ADAMTS6: variants seen among roughly 807,000 people sequenced by gnomAD.
ADAMTS6 encodes A disintegrin and metalloproteinase with thrombospondin motifs 6.
Under a neutral mutation model 144.3 loss-of-function variants are expected in ADAMTS6, and 23 were observed. The ratio of observed to expected loss-of-function variants is 0.16; its 90% confidence interval spans 0.11 to 0.23. The LOEUF is 0.23. Ranked by LOEUF, ADAMTS6 falls within the 10% of genes least tolerant of loss-of-function variation. The pLI, the probability that ADAMTS6 is intolerant of heterozygous loss-of-function variation, is 1.00. For missense variants in ADAMTS6, 999 were observed against 1,379.6 expected (o/e 0.72, Z 4.37); for synonymous variants, 444 against 457.5 (o/e 0.97, Z 0.38).
chr5:65,476,186 A>G (rs980219363), intron 1 of ADAMTS6, among the ~76,000 whole-genome samples: 1 of 152,196 alleles, frequency 6.6e-6, no homozygotes, highest in Non-Finnish European at 1.5e-5. Context: ...TCAGTCCAAC[A>G]GCATGCAAGA....
At chr5:65,341,902 G>A (rs924888687) in intron 7 of ADAMTS6, among the ~76,000 whole-genome samples, 4 of 152,026 alleles carry the variant, frequency 2.6e-5, no homozygotes, top group Admixed American at 6.6e-5. Context: ...GAAAACTCCA[G>A]GCCAATATCC....
rs542275944 is a variant in ADAMTS6 at position 65,306,210 on chromosome 5, G to A, written c.1224-6079C>T. ...TTTGCCTCTGACCCAGAAATATCAT[G>A]TAGCCAGCATTCATGCAGCAGTAAT... is the stretch of plus-strand genomic sequence containing the variant. On this transcript the variant is annotated intron_variant, in intron 9 of 24. Transcript: ENST00000381055. 3.3e-5 allele frequency among the ~76,000 whole-genome samples: 5 copies of A among 152,316 alleles called. No homozygotes were observed. The East Asian group carries it at 9.6e-4, about 29-fold the overall frequency.
intron 9 of ADAMTS6, among the ~76,000 whole-genome samples, chr5:65,310,011 G>T (rs569565237): frequency 5.9e-4 from 90 of 152,148 alleles, no homozygotes; most frequent in African/African-American, 2.1e-3. Context: ...GGAGGTGACT[G>T]GATCATGGAG....
At chr5:65,476,856 G>A (rs1202729939) in intron 1 of ADAMTS6, among the ~76,000 whole-genome samples, 3 of 151,986 alleles carry the variant, frequency 2.0e-5, no homozygotes, top group East Asian at 1.9e-4. Flanking sequence ...ATCCTGATCC[G>A]CCAGCCTCAG....
intron 7 of ADAMTS6, among the ~76,000 whole-genome samples, chr5:65,385,574 T>C (rs1752412403): frequency 6.6e-6 from 1 of 152,206 alleles, no homozygotes; most frequent in Admixed American, 6.5e-5. Flanking sequence ...GTAAAAATTA[T>C]CATCATTTTT....
At chr5:65,451,403 C>T (rs1758728981) in intron 7 of ADAMTS6, 72 bp downstream of exon 7, 1 of 1,583,438 alleles carries the variant, frequency 6.3e-7, no homozygotes, top group South Asian at 1.1e-5. Flanking sequence ...TGAGGCTTTA[C>T]ATAGAACCAA....
chr5:65,355,679 A>C (rs1749248655), intron 7 of ADAMTS6, among the ~76,000 whole-genome samples: 1 of 151,864 alleles, frequency 6.6e-6, no homozygotes, highest in South Asian at 2.1e-4. Context: ...GGAAATAATA[A>C]ACAAAGGAAC....
At chr5:65,164,404 C>G (rs2112023966) in intron 24 of ADAMTS6, among the ~76,000 whole-genome samples, 1 of 151,398 alleles carries the variant, frequency 6.6e-6, no homozygotes, top group African/African-American at 2.4e-5. Flanking sequence ...TCGCTGATTG[C>G]TAGCACAGCA....
chr5:65,399,096 A>G (rs946862266), intron 7 of ADAMTS6, among the ~76,000 whole-genome samples: 3 of 152,036 alleles, frequency 2.0e-5, no homozygotes, highest in African/African-American at 7.2e-5. Flanking sequence ...GTCTCCAATA[A>G]AAGTACAAAA....
intron 7 of ADAMTS6, among the ~76,000 whole-genome samples, chr5:65,429,444 C>T (rs1314998264): frequency 6.6e-6 from 1 of 152,050 alleles, no homozygotes; most frequent in African/African-American, 2.4e-5. Flanking sequence ...ATATGCATTG[C>T]CTGTCTGTAT....
chr5:65,286,632 A>T (rs1254881036), intron 11 of ADAMTS6, among the ~76,000 whole-genome samples: 1 of 152,240 alleles, frequency 6.6e-6, no homozygotes, highest in Non-Finnish European at 1.5e-5. Flanking sequence ...AATAATTAAC[A>T]GTAAATTATG....
intron 7 of ADAMTS6, among the ~76,000 whole-genome samples, chr5:65,336,071 C>A (rs1373669486): frequency 3.9e-5 from 6 of 152,138 alleles, no homozygotes; most frequent in African/African-American, 1.2e-4. Flanking sequence ...GAATGCTAAA[C>A]CAGATTTGTT....
intron 15 of ADAMTS6, among the ~76,000 whole-genome samples, chr5:65,231,325 G>A (rs1013782787): frequency 6.6e-6 from 1 of 151,978 alleles, no homozygotes; most frequent in Admixed American, 6.6e-5. Context: ...GTCAATTCAT[G>A]AATTCAGTAC....
At chr5:65,168,523 G>A (rs1209267112) in intron 24 of ADAMTS6, among the ~76,000 whole-genome samples, 11 of 131,742 alleles carry the variant, frequency 8.3e-5, no homozygotes, top group Non-Finnish European at 1.3e-4. Context: ...TCACAGAATT[G>A]GAAAAAACTA....
At chr5:65,351,797 T>G (rs1343101458) in intron 7 of ADAMTS6, among the ~76,000 whole-genome samples, 13 of 151,056 alleles carry the variant, frequency 8.6e-5, no homozygotes, top group African/African-American at 3.2e-4. Flanking sequence ...GAATTCGTCT[T>G]CTTAAAAAAC....
At chr5:65,354,023 C>G (rs1416945404) in intron 7 of ADAMTS6, among the ~76,000 whole-genome samples, 1 of 151,800 alleles carries the variant, frequency 6.6e-6, no homozygotes, top group Non-Finnish European at 1.5e-5. Context: ...GTGTTATTTT[C>G]TTTCCCCATA....
At chr5:65,410,878 C>A (rs568098578) in intron 7 of ADAMTS6, among the ~76,000 whole-genome samples, 24 of 152,256 alleles carry the variant, frequency 1.6e-4, no homozygotes, top group African/African-American at 5.3e-4. Flanking sequence ...CATTCTGTCA[C>A]CCAGGCTAGA....
At chr5:65,450,080 T>A (rs1025101034) in intron 7 of ADAMTS6, among the ~76,000 whole-genome samples, 9 of 152,200 alleles carry the variant, frequency 5.9e-5, no homozygotes, top group Non-Finnish European at 8.8e-5. Context: ...TGTCCATATT[T>A]TTTAACAGAA....
At chr5:65,270,519 A>T (rs1434817620) in intron 12 of ADAMTS6, among the ~76,000 whole-genome samples, 2 of 152,172 alleles carry the variant, frequency 1.3e-5, no homozygotes, top group South Asian at 4.1e-4. Flanking sequence ...AAGCTTCTTC[A>T]TAAGTTCAAA....
Sources: gnomAD v4.1 joint callset for allele counts (sites outside exome capture counted in the v4.1 genomes callset) on GRCh38, gnomAD v4.1.1 for gene constraint, MANE v1.5 for transcripts, NCBI Gene and HGNC (gene_info 2026-07-23, HGNC 2026-07-21) for gene names.